Variants in WWC2 observed in about 807,000 individuals in gnomAD.
WWC2 encodes protein WWC2.
In WWC2, 101 loss-of-function variants were observed where a neutral mutation model predicts 138.5. The ratio of observed to expected loss-of-function variants is 0.73; its 90% CI spans 0.62 to 0.86. WWC2 has a LOEUF of 0.86. WWC2 is among the 40% of genes least tolerant of loss of function. The pLI is 0.00. For missense variants in WWC2, 1,420 were observed against 1,419.4 expected (o/e 1.00, Z -0.01); for synonymous variants, 558 against 538.4 (o/e 1.04, Z -0.50).
rs118189289 is a variant in WWC2 at position 183,211,678 on chromosome 4, T to C, written c.522+2653T>C. ...ACGTCTCTTCCCTATGCCTTAGCTC[T>C]GTGCAGCTGCCAGCCCTTCTCTGTG... On this transcript the variant is annotated intron_variant, in intron 4 of 22. Transcript: ENST00000403733. 7.7e-4 allele frequency among the ~76,000 whole-genome samples: 118 copies of C among 152,342 alleles called. 3 individuals carry two copies. In the East Asian group the frequency reaches 0.02, roughly 26 times the overall value.
At chr4:183,222,739 C>G (rs939709113) in intron 4 of WWC2, among the ~76,000 whole-genome samples, 2 of 152,108 alleles carry the variant, frequency 1.3e-5, no homozygotes, top group East Asian at 1.9e-4. Flanking sequence ...GGGCAGATCA[C>G]TTGAGGCCAG....
At chr4:183,132,542 C>T (rs1732958984) in intron 1 of WWC2, among the ~76,000 whole-genome samples, 1 of 151,876 alleles carries the variant, frequency 6.6e-6, no homozygotes, top group African/African-American at 2.4e-5. Context: ...CAAGCTCCGC[C>T]TCCCGGGTTC....
At chr4:183,142,567 G>A (rs760396642) in intron 1 of WWC2, among the ~76,000 whole-genome samples, 1 of 152,122 alleles carries the variant, frequency 6.6e-6, no homozygotes, top group Non-Finnish European at 1.5e-5. Context: ...TAATCTTTTC[G>A]TTTTCTTCTA....
At chr4:183,267,096 G>A (rs372012419) in intron 14 of WWC2, among the ~76,000 whole-genome samples, 11 of 151,788 alleles carry the variant, frequency 7.2e-5, no homozygotes, top group South Asian at 2.1e-4. Flanking sequence ...AACTCCCTGG[G>A]CTCTCCCACC....
intron 1 of WWC2, among the ~76,000 whole-genome samples, chr4:183,159,003 G>GTGT (rs1733882145): frequency 6.6e-6 from 1 of 152,156 alleles, no homozygotes; most frequent in Admixed American, 6.5e-5. Context: ...GTGCCTGTGT[G>GTGT]TGTTTTGTAT....
At chr4:183,300,008 G>A (rs1560894092) in intron 21 of WWC2, among the ~76,000 whole-genome samples, 2 of 152,208 alleles carry the variant, frequency 1.3e-5, no homozygotes, top group Non-Finnish European at 2.9e-5. Flanking sequence ...ATAAAAAAGA[G>A]AATCTTATTT....
chr4:183,175,066 A>G (rs983547621), intron 1 of WWC2, among the ~76,000 whole-genome samples: 10 of 152,152 alleles, frequency 6.6e-5, no homozygotes, highest in African/African-American at 1.7e-4. Flanking sequence ...ACAGACAGCT[A>G]TTATGACCCT....
intron 14 of WWC2, among the ~76,000 whole-genome samples, chr4:183,266,671 C>T (rs747478534): frequency 5.3e-5 from 8 of 152,162 alleles, no homozygotes; most frequent in Non-Finnish European, 1.0e-4. Flanking sequence ...AGCACTATGA[C>T]GTAGAATCCG....
chr4:183,231,258 C>CTTTTTTTTT (rs1192297768), intron 4 of WWC2, among the ~76,000 whole-genome samples: 2 of 75,334 alleles, frequency 2.7e-5, no homozygotes, highest in African/African-American at 1.2e-4. Flanking sequence ...ACAGTGAAAG[C>CTTTTTTTTT]TTTTTTTTTT....
rs1739558479 is a variant in WWC2, at chr4:183,319,473, G to A, written c.*3744G>A. The A allele has an allele frequency of 4.4e-6, 6 of 1,357,442 alleles. No homozygotes were observed. The highest frequency in any genetic ancestry group is 6.1e-6 in the Non-Finnish European group (6 of 991,468). The allele number at this position is 1,357,442 out of a possible 1,614,324, so 84.1% of individuals were successfully genotyped here. A position where few individuals can be genotyped will look rare whatever the true frequency, so the allele number is the denominator to read the frequency against. ...TGCATTTTCAAAAATCAAAAGCACA[G>A]TGAGATGACTAGAGCGGGACATCCT... On this transcript the variant is annotated 3_prime_UTR_variant, in exon 23 of 23. Transcript: ENST00000403733.
At chr4:183,303,877 C>T (rs1054896231) in intron 21 of WWC2, among the ~76,000 whole-genome samples, 2 of 150,336 alleles carry the variant, frequency 1.3e-5, no homozygotes, top group Admixed American at 1.3e-4. Flanking sequence ...TTATTTATCT[C>T]GAAATCTAGT....
At chr4:183,269,505 T>A (rs1472826381) in intron 15 of WWC2, 3 of 497,442 alleles carry the variant, frequency 6.0e-6, no homozygotes, top group Non-Finnish European at 1.2e-5. Context: ...GACTGCTGTG[T>A]ATATATTATC....
intron 1 of WWC2, among the ~76,000 whole-genome samples, chr4:183,136,165 A>C (rs1733107021): frequency 6.6e-6 from 1 of 152,156 alleles, no homozygotes; most frequent in Non-Finnish European, 1.5e-5. Flanking sequence ...TATGAATTCT[A>C]GAAAGGCTTT....
chr4:183,180,468 C>CTA lies in WWC2; in HGVS notation c.132-13130_132-13129insAT, dbSNP rs1453538323. On this transcript the variant is annotated intron_variant, in intron 1 of 22. Coordinates refer to ENST00000403733, the MANE Select transcript of WWC2 (RefSeq NM_024949.6). Reference sequence around the variant, plus strand: ...AACGATGTTCTGAAACCTGGCCAGTCTCACCAAGCTTGAAGTCTATTTTAT... The same window carrying CTA: ...AACGATGTTCTGAAACCTGGCCAGTCTATCACCAAGCTTGAAGTCTATTTTAT... 5.9e-3 allele frequency among the ~76,000 whole-genome samples: 897 copies of CTA among 152,240 alleles called. 7 individuals are homozygous for CTA. Among genetic ancestry groups the CTA allele is most frequent in the African/African-American group, 0.019 (794 of 41,526 alleles).
chr4:183,160,778 A>T (rs996660511), intron 1 of WWC2, among the ~76,000 whole-genome samples: 5 of 152,224 alleles, frequency 3.3e-5, no homozygotes, highest in Admixed American at 1.3e-4. Flanking sequence ...GTGAAGCTGT[A>T]GCACAGAGAA....
At chr4:183,261,568 T>C (rs1737333034) in intron 11 of WWC2, 36 bp downstream of exon 11, 2 of 1,568,720 alleles carry the variant, frequency 1.3e-6, no homozygotes, top group South Asian at 1.2e-5. Flanking sequence ...TATTCCCTGT[T>C]AGTGATTTTA....
chr4:183,134,111 A>G (rs555458820), intron 1 of WWC2, among the ~76,000 whole-genome samples: 2 of 152,272 alleles, frequency 1.3e-5, no homozygotes, highest in South Asian at 4.1e-4. Flanking sequence ...AAATTCATGT[A>G]TGATTAATCT....
chr4:183,239,757 G>A (rs573622562), intron 4 of WWC2, among the ~76,000 whole-genome samples: 2 of 152,282 alleles, frequency 1.3e-5, no homozygotes, highest in East Asian at 1.9e-4. Flanking sequence ...AGTCAACTGC[G>A]GGAGATCTGG....
Position 183,297,137 on chromosome 4 carries a change from G to A in WWC2, c.3384+7502G>A, listed in dbSNP as rs1039615675. Among the ~76,000 whole-genome samples, 14 of 151,386 alleles carry A rather than the reference G, an allele frequency of 9.2e-5. No individual in the cohort carries two copies. The South Asian group carries it at 2.7e-3, about 29-fold the overall frequency. ...CCACAGGCAGACACCACCACACTCA[G>A]CCAATTTTATTTTTTTGTAGAAACC... is the stretch of plus-strand genomic sequence containing the variant. On this transcript the variant is annotated intron_variant, in intron 21 of 22. Coordinates refer to ENST00000403733, the MANE Select transcript of WWC2 (RefSeq NM_024949.6).
Sources: allele counts gnomAD v4.1 joint callset (sites outside exome capture counted in the v4.1 genomes callset), GRCh38; gene constraint gnomAD v4.1.1; transcripts MANE v1.5; gene names NCBI Gene and HGNC (gene_info 2026-07-23, HGNC 2026-07-21).